Variants in TRPM3 observed in about 807,000 individuals in gnomAD.
TRPM3 encodes the protein transient receptor potential cation channel subfamily M member 3, also known as long transient receptor potential channel 3.
TRPM3 carries 77 observed loss-of-function variants against 181.2 expected under a neutral mutation model. That is an observed-to-expected ratio of 0.42 (90% CI 0.35 to 0.51). The LOEUF (loss-of-function observed/expected upper bound fraction) is 0.51. TRPM3 is among the 20% of genes least tolerant of loss of function. TRPM3 has a pLI of 0.01. For missense variants in TRPM3, 1,759 were observed against 2,196.7 expected (o/e 0.80, Z 3.98); for synonymous variants, 745 against 796.4 (o/e 0.94, Z 1.09).
intron 1 of TRPM3, among the ~76,000 whole-genome samples, chr9:71,143,075 T>C (rs1447022710): frequency 6.7e-6 from 1 of 149,038 alleles, no homozygotes; most frequent in African/African-American, 2.5e-5. Context: ...ACTTGGGCCA[T>C]GATCACATCA....
intron 1 of TRPM3, among the ~76,000 whole-genome samples, chr9:70,960,567 C>A (rs1401765978): frequency 6.6e-6 from 1 of 152,090 alleles, no homozygotes; most frequent in Non-Finnish European, 1.5e-5. Flanking sequence ...GCTTAAAGAG[C>A]GATGTTGTAG....
At chr9:70,824,245 C>T (rs1249547295) in intron 6 of TRPM3, among the ~76,000 whole-genome samples, 1 of 151,970 alleles carries the variant, frequency 6.6e-6, no homozygotes, top group East Asian at 1.9e-4. Flanking sequence ...TTCATACCTC[C>T]CTGGGGCCAT....
chr9:71,216,673 C>T (rs985071707), intron 1 of TRPM3, among the ~76,000 whole-genome samples: 20 of 152,156 alleles, frequency 1.3e-4, no homozygotes, highest in Non-Finnish European at 2.2e-4. Flanking sequence ...TCATATCTAG[C>T]TAGATCCTCT....
In TRPM3 at chr9:70,625,345, A is replaced by G. The variant is rs1439257008; in HGVS notation, c.1669-14T>C. The G allele has an allele frequency of 6.2e-7, 1 of 1,614,084 alleles. No individual in the cohort carries two copies. Among genetic ancestry groups the G allele is most frequent in the Non-Finnish European group, 8.5e-7 (1 of 1,179,974 alleles). On this transcript the variant is annotated splice_polypyrimidine_tract_variant and intron_variant, in intron 13 of 25. Coordinates refer to ENST00000677713, the MANE Select transcript of TRPM3 (RefSeq NM_001366145.2). The surrounding 1 kb of genome is among the most constrained non-coding windows in gnomAD (Gnocchi z 4.8). ...GGGCAGGTTCCCCTATCAGGGTAGAATGAAACAAACAGACAAATCCAAAAG... is the reference window on the plus strand; with the variant it reads ...GGGCAGGTTCCCCTATCAGGGTAGAGTGAAACAAACAGACAAATCCAAAAG...
At chr9:70,772,322 A>AT (rs67215937) in intron 7 of TRPM3, among the ~76,000 whole-genome samples, 77,169 of 148,272 alleles carry the variant, frequency 0.52, 20,496 homozygotes, top group African/African-American at 0.65. Flanking sequence ...CACAGAGAGT[A>AT]TTTTTTTTTT....
At chr9:71,074,507 C>T (rs1443090823) in intron 1 of TRPM3, among the ~76,000 whole-genome samples, 1 of 152,186 alleles carries the variant, frequency 6.6e-6, no homozygotes, top group African/African-American at 2.4e-5. Context: ...ATCCTGCTCT[C>T]TCTTTAGCGA....
intron 1 of TRPM3, among the ~76,000 whole-genome samples, chr9:70,970,408 G>C (rs998329907): frequency 2.0e-5 from 3 of 152,122 alleles, no homozygotes; most frequent in Non-Finnish European, 4.4e-5. Context: ...TCCGTACAAA[G>C]GTTGTCAGTC....
chr9:70,826,901 G>T (rs1341585074), intron 6 of TRPM3: 1 of 152,164 alleles, frequency 6.6e-6, no homozygotes, highest in Non-Finnish European at 1.5e-5. Flanking sequence ...TTGTGAGGCG[G>T]GACGGTAGAT....
chr9:71,155,541 G>A (rs956102942), intron 1 of TRPM3, among the ~76,000 whole-genome samples: 1 of 63,784 alleles, frequency 1.6e-5, no homozygotes, highest in African/African-American at 6.7e-5. Context: ...AATTAGTAGA[G>A]ATGGGTTTTC....
intron 1 of TRPM3, chr9:70,869,015 G>A: frequency 1.0e-6 from 1 of 985,194 alleles, no homozygotes; most frequent in Non-Finnish European, 1.2e-6. Context: ...ACTGGCAAAA[G>A]CAGTCCCCGG....
chr9:70,907,113 G>A (rs1425124535), intron 1 of TRPM3, among the ~76,000 whole-genome samples: 1 of 152,144 alleles, frequency 6.6e-6, no homozygotes, highest in Admixed American at 6.5e-5. Context: ...TACAGTTTAT[G>A]TATGTTATCC....
At chr9:70,601,891 C>T (rs544018821) in intron 20 of TRPM3, among the ~76,000 whole-genome samples, 28 of 152,260 alleles carry the variant, frequency 1.8e-4, no homozygotes, top group Middle Eastern at 3.4e-3. Context: ...TGCGTCTAGG[C>T]GTTAAATCGC....
At chr9:71,241,103 T>A (rs983286) in intron 1 of TRPM3, among the ~76,000 whole-genome samples, 150,346 of 152,294 alleles carry the variant, frequency 0.99, 74,233 homozygotes, top group East Asian at 1. Context: ...ACTTAAAATT[T>A]TCACTTCTTT....
chr9:71,407,457 A>G (rs1284881448), intron 1 of TRPM3, among the ~76,000 whole-genome samples: 1 of 152,226 alleles, frequency 6.6e-6, no homozygotes, highest in East Asian at 1.9e-4. Context: ...TCCAATGCCC[A>G]CGGGGCCTTG....
chr9:71,211,433 T>G (rs1035983901), intron 1 of TRPM3, among the ~76,000 whole-genome samples: 1 of 152,080 alleles, frequency 6.6e-6, no homozygotes, highest in Non-Finnish European at 1.5e-5. Flanking sequence ...TAATGCCAAT[T>G]CAAAGTTTCA....
intron 1 of TRPM3, among the ~76,000 whole-genome samples, chr9:71,195,501 T>C (rs1292319821): frequency 6.6e-6 from 1 of 152,076 alleles, no homozygotes; most frequent in African/African-American, 2.4e-5. Flanking sequence ...ACTTCTACAC[T>C]GTTGGTGGGA....
intron 1 of TRPM3, among the ~76,000 whole-genome samples, chr9:71,308,118 G>A (rs898025558): frequency 6.6e-6 from 1 of 151,728 alleles, no homozygotes; most frequent in Non-Finnish European, 1.5e-5. Flanking sequence ...TTACAGGCAT[G>A]TGCCACCACA....
At position 70,898,703 on chromosome 9, in the gene TRPM3, G is replaced by A. The variant is rs539015015; in HGVS notation, c.178-34192C>T. 2.0e-4 allele frequency among the ~76,000 whole-genome samples: 28 copies of A among 143,044 alleles called. No individual in the cohort carries two copies. The South Asian group carries it at 6.2e-3, about 32-fold the overall frequency. 93.8% of individuals were successfully genotyped at this position (143,044 alleles called of 152,430 possible). ...GTAGAGGTTGCACTGAGCTGAGATC[G>A]TGCCATTGCACTCCAGTTTGGGCAA... is the stretch of plus-strand genomic sequence containing the variant. On this transcript the variant is annotated intron_variant, in intron 1 of 25. Transcript: ENST00000677713.
At chr9:71,052,900 T>C (rs2060217233) in intron 1 of TRPM3, among the ~76,000 whole-genome samples, 2 of 152,104 alleles carry the variant, frequency 1.3e-5, no homozygotes, top group South Asian at 4.2e-4. Context: ...TTCCTCTTTT[T>C]GACTGAAATG....
Sources: allele counts gnomAD v4.1 joint callset (sites outside exome capture counted in the v4.1 genomes callset), GRCh38; gene constraint gnomAD v4.1.1; non-coding constraint Gnocchi (gnomAD v3.1); transcripts MANE v1.5; gene names NCBI Gene and HGNC (gene_info 2026-07-23, HGNC 2026-07-21).